The following MRPS9 variants were observed in gnomAD, a reference collection of about 807,000 sequenced individuals.
The protein encoded by MRPS9 is mitochondrial ribosomal protein S9.
A neutral mutation model predicts 59.9 loss-of-function variants in MRPS9; 45 were observed. That is an observed-to-expected ratio of 0.75 (90% CI 0.59 to 0.96). The LOEUF is 0.96. MRPS9 is among the 40% of genes least tolerant of loss of function. The pLI is 0.00. For missense variants in MRPS9, 473 were observed against 481.1 expected, an observed-to-expected ratio of 0.98 and a Z score of 0.16; for synonymous variants, 171 against 166.8, an observed-to-expected ratio of 1.03 and a Z score of -0.19.
chr2:105,079,496 G>T (rs770495208), intron 4 of MRPS9, among the ~76,000 whole-genome samples: 2 of 152,092 alleles, frequency 1.3e-5, no homozygotes, highest in East Asian at 3.8e-4. Flanking sequence ...ACTCTCGGAG[G>T]TTGATGACCA....
At position 105,080,069 on chromosome 2, in the gene MRPS9, A is replaced by G. The variant is rs368035543; in HGVS notation, c.489+7A>G. 1.1e-5 allele frequency: 17 copies of G among 1,564,738 alleles called. No individual in the cohort carries two copies. Among genetic ancestry groups the G allele is most frequent in the East Asian group, 2.3e-5 (1 of 44,272 alleles). The stretch of plus-strand genomic sequence containing the variant: ...ATACTATTCATTAATGCATGTAAGT[A>G]TATTGCATTTATGATAAATAATATG... On this transcript the variant is annotated splice_region_variant and intron_variant, in intron 5 of 10. Transcript: ENST00000258455.
chr2:105,084,247 A>C (rs567999305), intron 5 of MRPS9, among the ~76,000 whole-genome samples: 1 of 139,594 alleles, frequency 7.2e-6, no homozygotes, highest in Non-Finnish European at 1.5e-5. Flanking sequence ...TATATACCAA[A>C]ATATATATAT....
In MRPS9 at chr2:105,092,405, T is replaced by G. The variant is rs1000185133; in HGVS notation, c.656T>G (p.Met219Arg). 1 of 1,609,784 alleles carries G rather than the reference T, an allele frequency of 6.2e-7. No homozygotes were observed. The highest frequency in any genetic ancestry group is 1.3e-5 in the African/African-American group (1 of 74,720). Residue 219 changes from methionine to arginine, a missense_variant, in exon 8 of 11, where the codon ATG becomes AGG. Transcript: ENST00000258455. ...ATGAATTTTTATTGTCTGCAGTATA[T>G]GCAGTTCATTCGGCTGCTAGAAAAG... ...LVEKLSDLDY[M>R]QFIRLLEKLL...
intron 1 of MRPS9, 42 bp downstream of exon 1, chr2:105,038,269 C>T (rs933105799): frequency 8.8e-6 from 14 of 1,587,784 alleles, no homozygotes; most frequent in Non-Finnish European, 1.2e-5. Context: ...CTCTGCCGCG[C>T]GAGGATGTGG....
At chr2:105,088,913 A>G (rs1182798008) in intron 5 of MRPS9, 71 bp from the exon 6 acceptor site, 3 of 1,080,076 alleles carry the variant, frequency 2.8e-6, no homozygotes, top group East Asian at 2.5e-5. Context: ...GAAAACTATA[A>G]AATATATCAG....
At chr2:105,040,999 G>C (rs1679491924) in intron 1 of MRPS9, among the ~76,000 whole-genome samples, 1 of 152,148 alleles carries the variant, frequency 6.6e-6, no homozygotes, top group Non-Finnish European at 1.5e-5. Flanking sequence ...AGTGGGCTTT[G>C]TCAGCAACAA....
intron 1 of MRPS9, among the ~76,000 whole-genome samples, chr2:105,048,380 G>A (rs930314219): frequency 1.3e-5 from 2 of 151,488 alleles, no homozygotes; most frequent in African/African-American, 2.4e-5. Context: ...GAGGGATAGC[G>A]TTAGGAGATA....
chr2:105,095,487 A>ATTTTTTT (rs138410859), intron 9 of MRPS9, among the ~76,000 whole-genome samples: 1 of 140,114 alleles, frequency 7.1e-6, no homozygotes. Context: ...CAGTCTGTAC[A>ATTTTTTT]TTTTTTTTTT....
At chr2:105,047,315 G>A (rs969550315) in intron 1 of MRPS9, among the ~76,000 whole-genome samples, 1 of 151,980 alleles carries the variant, frequency 6.6e-6, no homozygotes, top group African/African-American at 2.4e-5. Context: ...TAAAAAGTAA[G>A]AAGAAACTCT....
chr2:105,076,883 AG>A (rs67757364), intron 4 of MRPS9, among the ~76,000 whole-genome samples: 11,119 of 152,242 alleles, frequency 0.073, 557 homozygotes, highest in East Asian at 0.27. Context: ...AAATGAGCAA[AG>A]GCAAATAAGC....
chr2:105,091,667 A>G (rs919651226), intron 7 of MRPS9, among the ~76,000 whole-genome samples: 5 of 152,224 alleles, frequency 3.3e-5, no homozygotes, highest in Admixed American at 6.5e-5. Flanking sequence ...CACAATCCAT[A>G]TTAACTAAGA....
chr2:105,092,338 A>C (rs993795820), intron 7 of MRPS9, 63 bp from the exon 8 acceptor site: 2 of 1,453,722 alleles, frequency 1.4e-6, no homozygotes, highest in African/African-American at 2.8e-5. Flanking sequence ...TATGCAAAAA[A>C]TAGAAAAAAT....
At chr2:105,079,606 T>TA in intron 4 of MRPS9, among the ~76,000 whole-genome samples, 1 of 152,340 alleles carries the variant, frequency 6.6e-6, no homozygotes, top group East Asian at 1.9e-4. Context: ...TTTTTTACTT[T>TA]ATCAGTTTTC....
At chr2:105,055,918 A>G (rs1679784189) in intron 2 of MRPS9, among the ~76,000 whole-genome samples, 1 of 152,220 alleles carries the variant, frequency 6.6e-6, no homozygotes. Flanking sequence ...TTACATATTT[A>G]GAAGTTATAA....
chr2:105,092,623 A>G (rs901314510), intron 8 of MRPS9, 54 bp downstream of exon 8: 4 of 1,341,342 alleles, frequency 3.0e-6, no homozygotes, highest in Non-Finnish European at 4.0e-6. Context: ...AAAAACTACA[A>G]TTATTTTTAT....
chr2:105,097,989 C>T (rs1293789476), intron 10 of MRPS9, among the ~76,000 whole-genome samples: 1 of 152,204 alleles, frequency 6.6e-6, no homozygotes, highest in Non-Finnish European at 1.5e-5. Context: ...TGAGCTACCA[C>T]ACCTGGCCTG....
intron 1 of MRPS9, among the ~76,000 whole-genome samples, chr2:105,046,357 C>A (rs1679595082): frequency 6.6e-6 from 1 of 152,018 alleles, no homozygotes; most frequent in Non-Finnish European, 1.5e-5. Flanking sequence ...TACCTTCCCT[C>A]ACCTACAAAC....
Position 105,097,330 on chromosome 2 carries a change from A to C in MRPS9, c.1099+6A>C. 1 of 1,588,826 alleles carries C rather than the reference A, an allele frequency of 6.3e-7. No homozygotes were observed. The highest frequency in any genetic ancestry group is 2.3e-5 in the East Asian group (1 of 43,774). The stretch of plus-strand genomic sequence containing the variant: ...GGTCGAGTGGATGAGACAAGGTATG[A>C]GTCTAGGTGGGACGGGCATGGTGGC... On this transcript the variant is annotated splice_donor_region_variant and intron_variant, in intron 10 of 10. Transcript: ENST00000258455.
At chr2:105,086,471 C>T (rs1476045993) in intron 5 of MRPS9, among the ~76,000 whole-genome samples, 1 of 152,074 alleles carries the variant, frequency 6.6e-6, no homozygotes, top group Non-Finnish European at 1.5e-5. Flanking sequence ...AAAAATTGCT[C>T]AAAAGTCATT....
Sources: allele counts gnomAD v4.1 joint callset (sites outside exome capture counted in the v4.1 genomes callset), GRCh38; gene constraint gnomAD v4.1.1; transcripts MANE v1.5; gene names NCBI Gene and HGNC (gene_info 2026-07-23, HGNC 2026-07-21).